The following KIF6 variants were observed in gnomAD, a reference collection of about 807,000 sequenced individuals.
The protein encoded by KIF6 is kinesin family member 6, also known as kinesin-like protein KIF6.
KIF6 carries 106 observed loss-of-function variants against 112.7 expected under a neutral mutation model. The ratio of observed to expected loss-of-function variants is 0.94; its 90% CI spans 0.80 to 1.11. The LOEUF (loss-of-function observed/expected upper bound fraction) is 1.11, where lower values mean the gene tolerates loss of function less well. Among genes scored for constraint, KIF6 ranks in the 50% least tolerant of loss-of-function variants. The probability of loss-of-function intolerance (pLI) is 0.00; values close to 1 mark genes in which losing one functional copy is unlikely to be tolerated. For missense variants in KIF6, 929 were observed against 964.0 expected, an observed-to-expected ratio of 0.96 and a Z score of 0.48; for synonymous variants, 339 against 339.9, an observed-to-expected ratio of 1.00 and a Z score of 0.03.
At chr6:39,486,031 C>T (rs1329544767) in intron 13 of KIF6, among the ~76,000 whole-genome samples, 12 of 152,202 alleles carry the variant, frequency 7.9e-5, no homozygotes, top group Non-Finnish European at 2.9e-5. Context: ...TCCAGAGTCC[C>T]TGCCAGGCAA....
intron 11 of KIF6, among the ~76,000 whole-genome samples, chr6:39,545,073 G>A (rs373665198): frequency 6.6e-6 from 1 of 152,128 alleles, no homozygotes; most frequent in East Asian, 1.9e-4. Context: ...TCATCTCCAT[G>A]ACTTGCTTAT....
Position 39,337,217 on chromosome 6 carries a change from TTCTTTCTTTC to T in KIF6, c.2429-679_2429-670del, listed in dbSNP as rs1255200421. ...TTTCTTTCTTTCTTTCTTTCTTTCT[TTCTTTCTTTC>T]TTTCTTTCTTTTTCTTTCTTTTCTT... On this transcript the variant is annotated intron_variant, in intron 22 of 22. Transcript: ENST00000287152. Among the ~76,000 whole-genome samples the T allele has an allele frequency of 4.4e-3, 514 of 117,928 alleles. 16 individuals carry two copies. The highest frequency in any genetic ancestry group is 0.017 in the African/African-American group (366 of 21,512). 77.4% of individuals were successfully genotyped at this position (117,928 alleles called of 152,430 possible).
rs191153026 is a variant in KIF6 at position 39,437,941 on chromosome 6, T to C, written c.1646-6780A>G. On this transcript the variant is annotated intron_variant, in intron 13 of 22. Coordinates refer to ENST00000287152, the MANE Select transcript of KIF6 (RefSeq NM_145027.6). ...ACTTGATAATAAATGACTATTTTACTGATTTATGTATTTACTATACTTTAT... is the reference window on the plus strand; with the variant it reads ...ACTTGATAATAAATGACTATTTTACCGATTTATGTATTTACTATACTTTAT... Among the ~76,000 whole-genome samples, 81 of 152,066 alleles carry C rather than the reference T, an allele frequency of 5.3e-4. 1 individual carries two copies. In the East Asian group the frequency reaches 0.011, roughly 20 times the overall value.
intron 15 of KIF6, among the ~76,000 whole-genome samples, chr6:39,399,357 A>G (rs959425588): frequency 4.6e-5 from 7 of 152,024 alleles, no homozygotes; most frequent in Non-Finnish European, 1.0e-4. Flanking sequence ...TCATCCAGGT[A>G]CTCAATAGTG....
intron 10 of KIF6, among the ~76,000 whole-genome samples, chr6:39,567,693 C>T (rs376005718): frequency 2.6e-5 from 4 of 151,906 alleles, no homozygotes; most frequent in South Asian, 4.2e-4. Context: ...CTCCAAGCTC[C>T]GCCTCTTGGG....
chr6:39,521,497 C>T (rs1453832278), intron 13 of KIF6, among the ~76,000 whole-genome samples: 1 of 152,056 alleles, frequency 6.6e-6, no homozygotes, highest in African/African-American at 2.4e-5. Flanking sequence ...AAGTCAGTGC[C>T]CCCATCCCTA....
intron 15 of KIF6, among the ~76,000 whole-genome samples, chr6:39,401,560 A>C (rs2150339867): frequency 6.6e-6 from 1 of 152,268 alleles, no homozygotes; most frequent in South Asian, 2.1e-4. Context: ...TCACTCCTGC[A>C]GAGGGAGGGA....
intron 22 of KIF6, among the ~76,000 whole-genome samples, chr6:39,337,137 T>C (rs1218210641): frequency 7.5e-6 from 1 of 133,728 alleles, no homozygotes; most frequent in African/African-American, 2.8e-5. Context: ...TCCTCCTTCC[T>C]TCCTTCCTTT....
rs552849292 is a variant in KIF6 at position 39,355,722 on chromosome 6, A to T, written c.2180+1555T>A. Among the ~76,000 whole-genome samples, 16 of 151,810 alleles carry T rather than the reference A, an allele frequency of 1.1e-4. No homozygotes were observed. The South Asian group carries it at 2.9e-3, about 28-fold the overall frequency. ...GGTGATCCGCCCGTCTCAGCCTCCC[A>T]AAATGCTGGGATTACAAGCATGAGC... On this transcript the variant is annotated intron_variant, in intron 19 of 22. Transcript: ENST00000287152.
intron 3 of KIF6, chr6:39,690,363 C>G (rs1289393829): frequency 1.3e-5 from 2 of 151,932 alleles, no homozygotes; most frequent in Non-Finnish European, 2.9e-5. Flanking sequence ...GCATATGAGT[C>G]CTTGAATAAG....
At chr6:39,394,360 C>T (rs1468027199) in intron 15 of KIF6, among the ~76,000 whole-genome samples, 1 of 152,202 alleles carries the variant, frequency 6.6e-6, no homozygotes, top group Non-Finnish European at 1.5e-5. Flanking sequence ...TGAGCACCTG[C>T]CACACATGTG....
chr6:39,346,908 C>G (rs1368935932), intron 19 of KIF6, among the ~76,000 whole-genome samples: 2 of 152,204 alleles, frequency 1.3e-5, no homozygotes, highest in African/African-American at 4.8e-5. Context: ...CTTGGCCTCC[C>G]AAAGTGCTGG....
chr6:39,537,445 A>T (rs1019436826), intron 13 of KIF6, among the ~76,000 whole-genome samples: 1 of 152,108 alleles, frequency 6.6e-6, no homozygotes, highest in Non-Finnish European at 1.5e-5. Flanking sequence ...GAGCCAAATC[A>T]TGAGTGAACT....
chr6:39,590,075 G>A (rs575184708), intron 7 of KIF6, among the ~76,000 whole-genome samples: 1 of 152,064 alleles, frequency 6.6e-6, no homozygotes, highest in African/African-American at 2.4e-5. Flanking sequence ...AATTGGAAAG[G>A]AGGTGGGGAA....
intron 10 of KIF6, among the ~76,000 whole-genome samples, chr6:39,547,266 TG>T (rs1249486642): frequency 3.3e-5 from 5 of 152,210 alleles, no homozygotes; most frequent in African/African-American, 9.6e-5. Context: ...TTGTAATTTG[TG>T]ACATGTGACA....
intron 2 of KIF6, among the ~76,000 whole-genome samples, chr6:39,717,497 A>T (rs764570062): frequency 6.6e-6 from 1 of 151,928 alleles, no homozygotes; most frequent in Non-Finnish European, 1.5e-5. Flanking sequence ...ACCTTCCCTG[A>T]CCTATTAAAT....
At chr6:39,363,192 C>A (rs1485028820) in intron 16 of KIF6, among the ~76,000 whole-genome samples, 5 of 152,032 alleles carry the variant, frequency 3.3e-5, no homozygotes, top group African/African-American at 1.2e-4. Flanking sequence ...AAACAAAAGC[C>A]CTTCACAAAA....
chr6:39,510,416 T>C (rs571053108), intron 13 of KIF6, among the ~76,000 whole-genome samples: 60 of 152,254 alleles, frequency 3.9e-4, no homozygotes, highest in Non-Finnish European at 6.9e-4. Context: ...CAAAGAATTT[T>C]CAACCCAGAA....
chr6:39,350,421 A>G (rs967113726), intron 19 of KIF6, among the ~76,000 whole-genome samples: 12 of 151,964 alleles, frequency 7.9e-5, no homozygotes, highest in Admixed American at 6.6e-5. Context: ...TTAGCTGGTG[A>G]CCCTGGGCAA....
Sources: gnomAD v4.1 joint callset for allele counts (sites outside exome capture counted in the v4.1 genomes callset) on GRCh38, gnomAD v4.1.1 for gene constraint, MANE v1.5 for transcripts, NCBI Gene and HGNC (gene_info 2026-07-23, HGNC 2026-07-21) for gene names.